Variants in OPRD1 observed in about 807,000 individuals in gnomAD.
OPRD1 encodes opioid receptor delta 1, also known as delta-type opioid receptor.
In OPRD1, 19 loss-of-function variants were observed where a neutral mutation model predicts 17.5. That is an observed-to-expected ratio of 1.09 (90% confidence interval 0.76 to 1.60). The LOEUF (loss-of-function observed/expected upper bound fraction) is 1.60, where lower values mean the gene tolerates loss of function less well. Among genes scored for constraint, OPRD1 ranks in the 40% most tolerant of loss-of-function variants. The probability of loss-of-function intolerance (pLI) is 0.00; values close to 1 mark genes in which losing one functional copy is unlikely to be tolerated. For missense variants in OPRD1, 483 were observed against 547.2 expected (o/e 0.88, Z 1.17); for synonymous variants, 256 against 240.9 (o/e 1.06, Z -0.58).
intron 1 of OPRD1, among the ~76,000 whole-genome samples, chr1:28,831,829 T>C (rs1286481436): frequency 1.3e-5 from 2 of 152,214 alleles, no homozygotes; most frequent in Non-Finnish European, 2.9e-5. Flanking sequence ...TGAGCCACCA[T>C]GCCTGGCTGA....
In OPRD1 at chr1:28,863,093, A is replaced by G. The variant is rs756983030; in HGVS notation, c.929A>G (p.Asn310Ser). 7 of 1,609,852 alleles carry G rather than the reference A, an allele frequency of 4.3e-6. No homozygotes were observed. The highest frequency in any genetic ancestry group is 5.9e-6 in the Non-Finnish European group (7 of 1,178,746). Reference sequence around the variant, plus strand: ...CTGTGCATCGCGCTGGGCTACGCCAATAGCAGCCTCAACCCCGTGCTCTAC... The same window carrying G: ...CTGTGCATCGCGCTGGGCTACGCCAGTAGCAGCCTCAACCCCGTGCTCTAC... ...LHLCIALGYA[N>S]SSLNPVLYAF... Residue 310 changes from asparagine (N) to serine (S), a missense_variant, in exon 3 of 3, where the codon AAT becomes AGT. By Grantham distance (46) the Asn-to-Ser change is conservative. Transcript: ENST00000234961.
intron 1 of OPRD1, among the ~76,000 whole-genome samples, chr1:28,829,687 A>G (rs1339923397): frequency 6.6e-6 from 1 of 151,022 alleles, no homozygotes; most frequent in East Asian, 2.0e-4. Context: ...TTTGATCTAC[A>G]GTGCAAGACA....
chr1:28,859,162 C>G lies in OPRD1; in HGVS notation c.436C>G (p.Arg146Gly). The stretch of plus-strand genomic sequence containing the variant: ...CACGCTCACCATGATGAGTGTTGAC[C>G]GCTACATCGCTGTCTGCCACCCTGT... ...IFTLTMMSVD[R>G]YIAVCHPVKA... is the part of the protein sequence containing the mutation. The change falls in exon 2 of 3, where the codon CGC becomes GGC. Residue 146 changes from arginine (R) to glycine (G), a missense_variant. Arg to Gly is a moderately radical substitution (Grantham distance 125). Coordinates refer to ENST00000234961, the MANE Select transcript of OPRD1 (RefSeq NM_000911.4). 1 of 1,614,238 alleles carries G rather than the reference C, an allele frequency of 6.2e-7. No homozygotes were observed. Among genetic ancestry groups the G allele is most frequent in the Non-Finnish European group, 8.5e-7 (1 of 1,180,038 alleles).
chr1:28,817,839 G>C lies in OPRD1; in HGVS notation c.227+5229G>C, dbSNP rs145730332. Among the ~76,000 whole-genome samples the C allele has an allele frequency of 9.0e-3, 1,356 of 151,156 alleles. 9 individuals carry two copies. The highest frequency in any genetic ancestry group is 0.015 in the Non-Finnish European group (1,008 of 67,788). ...CGTGCCTCAGCCTCCCCAGTAGCTAGGATTACAGGCGCTCGCCACCACGCC... is the reference window on the plus strand; with the variant it reads ...CGTGCCTCAGCCTCCCCAGTAGCTACGATTACAGGCGCTCGCCACCACGCC... On this transcript the variant is annotated intron_variant, in intron 1 of 2. Transcript: ENST00000234961.
chr1:28,816,885 C>A (rs2124256519), intron 1 of OPRD1, among the ~76,000 whole-genome samples: 1 of 152,280 alleles, frequency 6.6e-6, no homozygotes, highest in South Asian at 2.1e-4. Flanking sequence ...TCACCTGTGG[C>A]AGGTGACCCC....
intron 1 of OPRD1, among the ~76,000 whole-genome samples, chr1:28,819,637 G>A (rs72889606): frequency 0.031 from 4,662 of 152,284 alleles, 223 homozygotes; most frequent in African/African-American, 0.11. Context: ...ATGGGGACAA[G>A]AAGGCTCAGA....
intron 1 of OPRD1, among the ~76,000 whole-genome samples, chr1:28,854,911 A>G (rs2089041558): frequency 6.6e-6 from 1 of 151,884 alleles, no homozygotes; most frequent in South Asian, 2.1e-4. Flanking sequence ...CAGCCTCCCA[A>G]AGTGCTGGAA....
chr1:28,850,169 G>A (rs936313984), intron 1 of OPRD1, among the ~76,000 whole-genome samples: 4 of 150,646 alleles, frequency 2.7e-5, no homozygotes, highest in African/African-American at 4.9e-5. Context: ...CTTGAGCCAC[G>A]GCGCCCAGCT....
chr1:28,859,086 C>G lies in OPRD1; in HGVS notation c.360C>G (p.Leu120=). The change falls in exon 2 of 3, where the codon CTC becomes CTG. Residue 120 remains leucine (L), a synonymous_variant. Transcript: ENST00000234961. ...LMETWPFGEL[L]CKAVLSIDYY... Reference sequence around the variant, plus strand: ...AGACGTGGCCCTTCGGCGAGCTGCTCTGCAAGGCTGTGCTCTCCATCGACT... The same window carrying G: ...AGACGTGGCCCTTCGGCGAGCTGCTGTGCAAGGCTGTGCTCTCCATCGACT... 6.2e-7 allele frequency: 1 copy of G among 1,614,256 alleles called. No homozygotes were observed. Among genetic ancestry groups the G allele is most frequent in the Middle Eastern group, 1.6e-4 (1 of 6,062 alleles).
intron 1 of OPRD1, among the ~76,000 whole-genome samples, chr1:28,836,753 C>T (rs2088856614): frequency 6.6e-6 from 1 of 152,092 alleles, no homozygotes; most frequent in Non-Finnish European, 1.5e-5. Context: ...TCTCTGTTGT[C>T]CAGGCTGGAA....
intron 1 of OPRD1, among the ~76,000 whole-genome samples, chr1:28,828,283 T>C (rs539539506): frequency 6.6e-6 from 1 of 152,296 alleles, no homozygotes; most frequent in South Asian, 2.1e-4. Context: ...GGTGACTAGG[T>C]GCATTGTCAA....
At chr1:28,844,665 C>T (rs1430364018) in intron 1 of OPRD1, among the ~76,000 whole-genome samples, 1 of 152,096 alleles carries the variant, frequency 6.6e-6, no homozygotes, top group African/African-American at 2.4e-5. Flanking sequence ...GGATATTAAC[C>T]CCTTATCAGA....
rs758163958 is a variant in OPRD1 at position 28,812,585 on chromosome 1, G to T, written c.202G>T (p.Val68Leu). The change falls in exon 1 of 3, where the codon GTG becomes TTG. Residue 68 changes from valine to leucine, a missense_variant. Coordinates refer to ENST00000234961, the MANE Select transcript of OPRD1 (RefSeq NM_000911.4). ...GTGCGCCGTGGGGCTGCTGGGCAAC[G>T]TGCTTGTCATGTTCGGCATCGTCCG... ...AVCAVGLLGN[V>L]LVMFGIVRYT... 61 of 1,564,150 alleles carry T rather than the reference G, an allele frequency of 3.9e-5. 1 individual carries two copies. The South Asian group carries it at 6.7e-4, about 17-fold the overall frequency.
intron 1 of OPRD1, among the ~76,000 whole-genome samples, chr1:28,824,270 G>A (rs1030012320): frequency 6.7e-6 from 1 of 149,714 alleles, no homozygotes; most frequent in Non-Finnish European, 1.5e-5. Flanking sequence ...TGTTACCAAG[G>A]CATAGAACTG....
chr1:28,850,222 C>G (rs1293915988), intron 1 of OPRD1, among the ~76,000 whole-genome samples: 2 of 152,048 alleles, frequency 1.3e-5, no homozygotes, highest in Middle Eastern at 3.2e-3. Context: ...GGCATGATCT[C>G]TTGTGCCTGT....
chr1:28,859,280 T>G lies in OPRD1; in HGVS notation c.554T>G (p.Val185Gly), dbSNP rs1484669718. Residue 185 changes from valine to glycine, a missense_variant, in exon 2 of 3, where the codon GTC becomes GGC. Transcript: ENST00000234961. ...TCAGGCGTTGGCGTGCCCATCATGG[T>G]CATGGCTGTGACCCGTCCCCGGGGT... ...LASGVGVPIM[V>G]MAVTRPRDGA... 6.2e-7 allele frequency: 1 copy of G among 1,613,834 alleles called. No homozygotes were observed. The highest frequency in any genetic ancestry group is 1.1e-5 in the South Asian group (1 of 91,058).
At chr1:28,831,464 G>A (rs890132526) in intron 1 of OPRD1, among the ~76,000 whole-genome samples, 7 of 151,058 alleles carry the variant, frequency 4.6e-5, no homozygotes, top group Non-Finnish European at 8.8e-5. Flanking sequence ...AGCTGAGATC[G>A]TGCCACTGCA....
At chr1:28,828,006 G>A (rs1017985046) in intron 1 of OPRD1, among the ~76,000 whole-genome samples, 8 of 152,082 alleles carry the variant, frequency 5.3e-5, no homozygotes, top group African/African-American at 1.9e-4. Flanking sequence ...AAAGTACTGG[G>A]ATTACAGGTG....
Position 28,821,524 on chromosome 1 carries a change from C to T in OPRD1, c.227+8914C>T, listed in dbSNP as rs771858943. On this transcript the variant is annotated intron_variant, in intron 1 of 2. Transcript: ENST00000234961. ...AAGTGCTGGGATTACAGTCATGAGC[C>T]GACACACCCAGCTTTGTTTTTCCAT... Among the ~76,000 whole-genome samples the T allele has an allele frequency of 3.9e-5, 6 of 152,116 alleles. No individual in the cohort carries two copies. In the East Asian group the frequency reaches 7.7e-4, roughly 20 times the overall value.
Sources: gnomAD v4.1 joint callset for allele counts (sites outside exome capture counted in the v4.1 genomes callset) on GRCh38, gnomAD v4.1.1 for gene constraint, MANE v1.5 for transcripts, NCBI Gene and HGNC (gene_info 2026-07-23, HGNC 2026-07-21) for gene names.